The following YPEL1 variants were observed in gnomAD, a reference collection of about 807,000 sequenced individuals.
YPEL1 encodes yippee like 1, also known as protein yippee-like 1.
YPEL1 carries 7 observed loss-of-function variants against 17.3 expected under a neutral mutation model. That is an observed-to-expected ratio of 0.40 (90% CI 0.23 to 0.76). YPEL1 has a LOEUF of 0.76. YPEL1 is among the 30% of genes least tolerant of loss of function. YPEL1 has a pLI of 0.35. For synonymous variants in YPEL1, 59 were observed against 59.6 expected (o/e 0.99, Z 0.05); for missense variants, 91 against 155.5 (o/e 0.59, Z 2.21).
intron 1 of YPEL1, among the ~76,000 whole-genome samples, chr22:21,731,338 A>C (rs1051719622): frequency 1.3e-5 from 2 of 151,994 alleles, no homozygotes; most frequent in Non-Finnish European, 2.9e-5. Flanking sequence ...TGTCAAAAAA[A>C]AAAAAGAAAG....
chr22:21,705,778 A>C (rs2068109743), intron 2 of YPEL1, among the ~76,000 whole-genome samples: 1 of 151,938 alleles, frequency 6.6e-6, no homozygotes, highest in Admixed American at 6.6e-5. Flanking sequence ...GGAGTTCGAG[A>C]GCCATGATTA....
intron 2 of YPEL1, among the ~76,000 whole-genome samples, chr22:21,707,050 G>A (rs2068122623): frequency 6.6e-6 from 1 of 152,008 alleles, no homozygotes; most frequent in Non-Finnish European, 1.5e-5. Context: ...CAAGGCAGGA[G>A]GAAGAAGCAA....
intron 4 of YPEL1, among the ~76,000 whole-genome samples, chr22:21,701,703 TC>T (rs964660684): frequency 6.6e-6 from 1 of 152,158 alleles, no homozygotes; most frequent in Admixed American, 6.5e-5. Context: ...AAGACTACAC[TC>T]CAGGAATTCC....
intron 2 of YPEL1, among the ~76,000 whole-genome samples, chr22:21,709,694 T>C (rs2068146519): frequency 6.6e-6 from 1 of 152,164 alleles, no homozygotes; most frequent in Non-Finnish European, 1.5e-5. Context: ...TGACAAACTT[T>C]GTTCCCAAAG....
At chr22:21,716,409 C>T (rs1273983164) in intron 1 of YPEL1, among the ~76,000 whole-genome samples, 1 of 152,244 alleles carries the variant, frequency 6.6e-6, no homozygotes, top group Admixed American at 6.5e-5. Flanking sequence ...TCTGGGGAAA[C>T]CAGAAACCAG....
rs899140796 is a variant in YPEL1 at position 21,721,403 on chromosome 22, C to T, written c.-164-10495G>A. 5.3e-4 allele frequency among the ~76,000 whole-genome samples: 70 copies of T among 132,384 alleles called. 1 individual carries two copies. Among genetic ancestry groups the T allele is most frequent in the Non-Finnish European group, 2.1e-4 (13 of 61,238 alleles). 86.8% of individuals were successfully genotyped at this position (132,384 alleles called of 152,430 possible). A position where few individuals can be genotyped will look rare whatever the true frequency, so the allele number is the denominator to read the frequency against. On this transcript the variant is annotated intron_variant, in intron 1 of 4. Coordinates refer to ENST00000339468, the MANE Select transcript of YPEL1 (RefSeq NM_013313.5). ...AAAGTGCTGAGATTACAGCAGTGAG[C>T]CACCATGCCCAGCCTTTTTTTCTTT... is the stretch of plus-strand genomic sequence containing the variant.
chr22:21,704,041 A>G (rs1176313827), intron 2 of YPEL1, 159 bp from the exon 3 acceptor site: 12 of 791,760 alleles, frequency 1.5e-5, no homozygotes, highest in African/African-American at 5.1e-5. Context: ...TCCACTTCTA[A>G]TAACAGCCAC....
rs770990257 is a variant in YPEL1 at position 21,701,086 on chromosome 22, CT to C, written c.*42del. 2.0e-5 allele frequency: 31 copies of C among 1,559,552 alleles called. No individual in the cohort carries two copies. In the Middle Eastern group the frequency reaches 5.0e-4, roughly 25 times the overall value. On this transcript the variant is annotated 3_prime_UTR_variant, in exon 5 of 5. Transcript: ENST00000339468. ...TACGTTTCCATTACATTCACAGTTT[CT>C]TTCACAAAACAGCATTCAAAGGAGA...
chr22:21,727,126 C>T (rs1393223015), intron 1 of YPEL1, among the ~76,000 whole-genome samples: 1 of 152,134 alleles, frequency 6.6e-6, no homozygotes, highest in Non-Finnish European at 1.5e-5. Context: ...GTCCCTGTCT[C>T]CTGCCTTGAG....
intron 2 of YPEL1, among the ~76,000 whole-genome samples, chr22:21,706,010 T>G (rs1305340315): frequency 2.0e-5 from 3 of 146,354 alleles, no homozygotes; most frequent in Non-Finnish European, 4.5e-5. Flanking sequence ...GGTGCCTGTA[T>G]TCCCAGCTAC....
chr22:21,726,976 C>T (rs1220754098), intron 1 of YPEL1, among the ~76,000 whole-genome samples: 1 of 152,234 alleles, frequency 6.6e-6, no homozygotes, highest in Non-Finnish European at 1.5e-5. Flanking sequence ...AGCCTTGTTT[C>T]CAACCAAAAC....
chr22:21,698,322 G>A lies in YPEL1; in HGVS notation c.*2807C>T, dbSNP rs982131613. The A allele has an allele frequency of 6.6e-6, 1 of 150,580 alleles. No homozygotes were observed. The highest frequency in any genetic ancestry group is 1.9e-4 in the East Asian group (1 of 5,272). 9.3% of individuals were successfully genotyped at this position (150,580 alleles called of 1,614,324 possible). On this transcript the variant is annotated 3_prime_UTR_variant, in exon 5 of 5. Transcript: ENST00000339468. ...TAGTAAAAAATGTTCAATCAATGCC[G>A]TCACAAAAGACAGTACAAAAACCAA...
intron 1 of YPEL1, among the ~76,000 whole-genome samples, chr22:21,730,551 T>C (rs1219201437): frequency 2.0e-5 from 3 of 152,182 alleles, no homozygotes; most frequent in Non-Finnish European, 4.4e-5. Context: ...TCTCACATAG[T>C]ACATGAAGTC....
chr22:21,705,598 A>T (rs964080973), intron 2 of YPEL1, among the ~76,000 whole-genome samples: 1 of 152,232 alleles, frequency 6.6e-6, no homozygotes, highest in Non-Finnish European at 1.5e-5. Context: ...AAAAGCACAC[A>T]CTATAGGACC....
rs553065026 is a variant in YPEL1, at chr22:21,698,589, T to C, written c.*2540A>G. 1 of 152,356 alleles carries C rather than the reference T, an allele frequency of 6.6e-6. No homozygotes were observed. The highest frequency in any genetic ancestry group is 2.4e-5 in the African/African-American group (1 of 41,446). 9.4% of individuals were successfully genotyped at this position (152,356 alleles called of 1,614,324 possible). A position where few individuals can be genotyped will look rare whatever the true frequency, so the allele number is the denominator to read the frequency against. ...GCTGGGTTCCCACATGGGAGAGGAA[T>C]GAAGACTCACTCAAAGGGAAGGGTC... On this transcript the variant is annotated 3_prime_UTR_variant, in exon 5 of 5. Transcript: ENST00000339468.
chr22:21,698,127 T>C lies in YPEL1; in HGVS notation c.*3002A>G, dbSNP rs2068009380. The C allele has an allele frequency of 2.0e-5, 3 of 151,692 alleles. No homozygotes were observed. In the South Asian group the frequency reaches 6.3e-4, roughly 32 times the overall value. 9.4% of individuals were successfully genotyped at this position (151,692 alleles called of 1,614,324 possible). On this transcript the variant is annotated 3_prime_UTR_variant, in exon 5 of 5. Transcript: ENST00000339468. ...GATATTGTTTAGGAATTTAAGAGGG[T>C]GGTGGATATGGTCCTGTGAATAGCA... is the stretch of plus-strand genomic sequence containing the variant.
intron 1 of YPEL1, among the ~76,000 whole-genome samples, chr22:21,732,217 T>A (rs936237786): frequency 6.6e-6 from 1 of 152,222 alleles, no homozygotes; most frequent in Non-Finnish European, 1.5e-5. Context: ...CCTGAATCTA[T>A]CTCGCACTGC....
At chr22:21,710,388 G>C in intron 2 of YPEL1, 1 of 562,908 alleles carries the variant, frequency 1.8e-6, no homozygotes, top group African/African-American at 1.9e-5. Context: ...CGTAATCCCT[G>C]GGAGTGCCAG....
Position 21,701,034 on chromosome 22 carries a change from G to A in YPEL1, c.*95C>T. On this transcript the variant is annotated 3_prime_UTR_variant, in exon 5 of 5. Transcript: ENST00000339468. The stretch of plus-strand genomic sequence containing the variant: ...CGCAGCTAGCCTTTGAGGTCAGAGG[G>A]CAAGAAAGGCTGTCACCAGATGCTC... 2 of 1,125,606 alleles carry A rather than the reference G, an allele frequency of 1.8e-6. No individual in the cohort carries two copies. Among genetic ancestry groups the A allele is most frequent in the Non-Finnish European group, 2.6e-6 (2 of 756,196 alleles). The allele number at this position is 1,125,606 out of a possible 1,614,324, so 69.7% of individuals were successfully genotyped here. A position where few individuals can be genotyped will look rare whatever the true frequency, so the allele number is the denominator to read the frequency against.
Sources: gnomAD v4.1 joint callset for allele counts (sites outside exome capture counted in the v4.1 genomes callset) on GRCh38, gnomAD v4.1.1 for gene constraint, MANE v1.5 for transcripts, NCBI Gene and HGNC (gene_info 2026-07-23, HGNC 2026-07-21) for gene names.